Variants in GRID2 observed in about 807,000 individuals in gnomAD.
GRID2 encodes the protein glutamate receptor ionotropic, delta-2.
GRID2 carries 33 observed loss-of-function variants against 114.8 expected under a neutral mutation model. That is an observed-to-expected ratio of 0.29 (90% CI 0.22 to 0.38). GRID2 has a LOEUF of 0.38. GRID2 is among the 10% of genes least tolerant of loss of function. The pLI, the probability that GRID2 is intolerant of heterozygous loss-of-function variation, is 1.00. For missense variants in GRID2, 1,184 were observed against 1,257.7 expected, an observed-to-expected ratio of 0.94 and a Z score of 0.89; for synonymous variants, 505 against 449.9, an observed-to-expected ratio of 1.12 and a Z score of -1.55.
At chr4:92,362,551 A>G (rs1011369701) in intron 1 of GRID2, among the ~76,000 whole-genome samples, 1 of 151,976 alleles carries the variant, frequency 6.6e-6, no homozygotes, top group Admixed American at 6.6e-5. Context: ...TTTCTTTGTA[A>G]ATGTATAGTT....
chr4:92,469,651 A>G (rs1055858617), intron 1 of GRID2, among the ~76,000 whole-genome samples: 1 of 151,968 alleles, frequency 6.6e-6, no homozygotes, highest in African/African-American at 2.4e-5. Flanking sequence ...CCGATATCGG[A>G]TCAAAAAGAG....
At chr4:93,004,615 A>G (rs565451310) in intron 2 of GRID2, among the ~76,000 whole-genome samples, 2 of 151,656 alleles carry the variant, frequency 1.3e-5, no homozygotes, top group South Asian at 4.1e-4. Context: ...ATATCACGAC[A>G]CTCTTATATC....
chr4:92,920,823 G>C (rs1455761176), intron 2 of GRID2, among the ~76,000 whole-genome samples: 1 of 152,074 alleles, frequency 6.6e-6, no homozygotes, highest in Non-Finnish European at 1.5e-5. Context: ...ACAATTATGT[G>C]TCTTGGAGTT....
chr4:92,614,798 A>G (rs189711574), intron 2 of GRID2, among the ~76,000 whole-genome samples: 10 of 151,776 alleles, frequency 6.6e-5, no homozygotes, highest in Admixed American at 4.0e-4. Flanking sequence ...ATTAAAATCA[A>G]TAGCATTTTA....
At chr4:92,642,558 A>G (rs925962151) in intron 2 of GRID2, among the ~76,000 whole-genome samples, 2 of 151,714 alleles carry the variant, frequency 1.3e-5, no homozygotes, top group Non-Finnish European at 1.5e-5. Context: ...TAGTTTGCAG[A>G]TATGTTCTCT....
chr4:92,995,784 T>G (rs1755161522), intron 2 of GRID2, among the ~76,000 whole-genome samples: 1 of 152,164 alleles, frequency 6.6e-6, no homozygotes, highest in African/African-American at 2.4e-5. Context: ...TTTCTCTATC[T>G]TTTAGACTTC....
chr4:92,370,373 C>T (rs368454822), intron 1 of GRID2, among the ~76,000 whole-genome samples: 3 of 152,072 alleles, frequency 2.0e-5, no homozygotes, highest in African/African-American at 4.8e-5. Flanking sequence ...ACCAATTGGC[C>T]GGGCACAGTG....
intron 2 of GRID2, among the ~76,000 whole-genome samples, chr4:92,609,007 CATT>C (rs1165699544): frequency 1.3e-5 from 2 of 151,634 alleles, no homozygotes; most frequent in African/African-American, 4.8e-5. Flanking sequence ...ACATAAATAA[CATT>C]AATATAGATG....
intron 10 of GRID2, among the ~76,000 whole-genome samples, chr4:93,443,673 C>A (rs1304558064): frequency 6.6e-6 from 1 of 151,744 alleles, no homozygotes; most frequent in African/African-American, 2.4e-5. Context: ...GGAGGTTTAT[C>A]CCACACATGT....
intron 2 of GRID2, among the ~76,000 whole-genome samples, chr4:92,634,100 G>C (rs1470666384): frequency 7.2e-6 from 1 of 139,532 alleles, no homozygotes; most frequent in African/African-American, 2.5e-5. Flanking sequence ...TAATGAGCTA[G>C]AAAACAAAAA....
rs114015071 is a variant in GRID2, at chr4:93,331,108, A to G, written c.1246-64499A>G. 7.1e-3 allele frequency among the ~76,000 whole-genome samples: 1,077 copies of G among 151,490 alleles called. 14 individuals carry two copies. The highest frequency in any genetic ancestry group is 0.024 in the African/African-American group (990 of 41,202). On this transcript the variant is annotated intron_variant, in intron 8 of 15. Coordinates refer to ENST00000282020, the MANE Select transcript of GRID2 (RefSeq NM_001510.4). ...AAAACAAAAATAATACAACAGCCTCAGTGCCTGCTGCTATCTAACCCCCCC... is the reference window on the plus strand; with the variant it reads ...AAAACAAAAATAATACAACAGCCTCGGTGCCTGCTGCTATCTAACCCCCCC...
chr4:93,666,749 A>T (rs1225690982), intron 14 of GRID2, among the ~76,000 whole-genome samples: 2 of 152,074 alleles, frequency 1.3e-5, no homozygotes, highest in Non-Finnish European at 2.9e-5. Context: ...TGAAAATGAA[A>T]AAATAAGACT....
At chr4:92,345,394 T>C (rs1216507658) in intron 1 of GRID2, among the ~76,000 whole-genome samples, 1 of 152,222 alleles carries the variant, frequency 6.6e-6, no homozygotes, top group Non-Finnish European at 1.5e-5. Context: ...ATCTTTGCAA[T>C]TGCAAATTGT....
At chr4:92,394,684 T>C (rs1444898500) in intron 1 of GRID2, among the ~76,000 whole-genome samples, 1 of 151,984 alleles carries the variant, frequency 6.6e-6, no homozygotes, top group African/African-American at 2.4e-5. Context: ...ATTCAGTTTC[T>C]ATGAATTCCA....
rs906858188 is a variant in GRID2 at position 93,440,887 on chromosome 4, G to A, written c.1546-14775G>A. ...GTACTTGGCCTAATAGATGGCAAGCGCAGATAAGTGGTGAATAATAAGTCT... is the reference window on the plus strand; with the variant it reads ...GTACTTGGCCTAATAGATGGCAAGCACAGATAAGTGGTGAATAATAAGTCT... On this transcript the variant is annotated intron_variant, in intron 10 of 15. Transcript: ENST00000282020. 2.1e-4 allele frequency among the ~76,000 whole-genome samples: 32 copies of A among 152,056 alleles called. 1 individual carries two copies. The highest frequency in any genetic ancestry group is 4.1e-4 in the South Asian group (2 of 4,836).
chr4:92,548,255 TC>T (rs1726377760), intron 1 of GRID2, among the ~76,000 whole-genome samples: 1 of 152,074 alleles, frequency 6.6e-6, no homozygotes, highest in Admixed American at 6.6e-5. Flanking sequence ...TGTTTACACT[TC>T]TAGTCTGCTT....
At chr4:92,376,752 C>T (rs543968956) in intron 1 of GRID2, among the ~76,000 whole-genome samples, 7 of 152,260 alleles carry the variant, frequency 4.6e-5, no homozygotes, top group South Asian at 2.1e-4. Flanking sequence ...GACTTTTGTG[C>T]GCTTGCAGAC....
intron 3 of GRID2, among the ~76,000 whole-genome samples, chr4:93,096,297 C>A (rs1731220345): frequency 6.6e-6 from 1 of 151,980 alleles, no homozygotes; most frequent in Non-Finnish European, 1.5e-5. Context: ...ATCTTCATAA[C>A]TTCAGGATAT....
intron 2 of GRID2, among the ~76,000 whole-genome samples, chr4:92,796,858 G>C (rs1260010943): frequency 2.6e-5 from 4 of 151,752 alleles, no homozygotes; most frequent in Non-Finnish European, 4.4e-5. Flanking sequence ...CTCAAATCAT[G>C]TTAGAGTCTA....
Sources: gnomAD v4.1 joint callset for allele counts (sites outside exome capture counted in the v4.1 genomes callset) on GRCh38, gnomAD v4.1.1 for gene constraint, MANE v1.5 for transcripts, NCBI Gene and HGNC (gene_info 2026-07-23, HGNC 2026-07-21) for gene names.